EEIG2: variants seen among roughly 807,000 people sequenced by gnomAD.
EEIG2 encodes the protein family with sequence similarity 102 member B.
the EEIG2 span, chr1:108,616,455 A>G: frequency 7.0e-7 from 1 of 1,432,450 alleles, no homozygotes; most frequent in Middle Eastern, 1.8e-4. Flanking sequence ...TAAATGGATT[A>G]TGTATCTAAA....
At chr1:108,592,650 T>C in the EEIG2 span, among the ~76,000 whole-genome samples, 4 of 152,174 alleles carry the variant, frequency 2.6e-5, no homozygotes, top group Non-Finnish European at 4.4e-5. Flanking sequence ...ATGAAAAATA[T>C]GTACAATAGG....
chr1:108,583,128 T>C, the EEIG2 span, among the ~76,000 whole-genome samples: 1 of 152,104 alleles, frequency 6.6e-6, no homozygotes, highest in Non-Finnish European at 1.5e-5. Flanking sequence ...TGAAACCAAA[T>C]TACATACATA....
chr1:108,572,501 A>G, the EEIG2 span, among the ~76,000 whole-genome samples: 9 of 152,010 alleles, frequency 5.9e-5, no homozygotes, highest in Admixed American at 5.9e-4. Flanking sequence ...GTATCTAATA[A>G]CATGTGTTCA....
At chr1:108,591,107 TATAAA>T in the EEIG2 span, among the ~76,000 whole-genome samples, 1 of 152,212 alleles carries the variant, frequency 6.6e-6, no homozygotes, top group Non-Finnish European at 1.5e-5. Context: ...TAAGCAACTG[TATAAA>T]AGTCATAGGA....
chr1:108,573,359 C>T, the EEIG2 span, among the ~76,000 whole-genome samples: 9 of 152,184 alleles, frequency 5.9e-5, no homozygotes, highest in Non-Finnish European at 1.2e-4. Flanking sequence ...CTCTTTATTA[C>T]GTAACAGAGA....
the EEIG2 span, among the ~76,000 whole-genome samples, chr1:108,585,680 G>A: frequency 5.9e-5 from 9 of 152,202 alleles, no homozygotes; most frequent in African/African-American, 2.2e-4. Context: ...ATAGTAGGCT[G>A]TGCTGCTGTG....
chr1:108,619,009 T>C, the EEIG2 span, among the ~76,000 whole-genome samples: 1 of 152,180 alleles, frequency 6.6e-6, no homozygotes. Flanking sequence ...TGTTTTTCTA[T>C]TGGAGTAAGA....
At chr1:108,624,046 T>C in the EEIG2 span, among the ~76,000 whole-genome samples, 1 of 152,050 alleles carries the variant, frequency 6.6e-6, no homozygotes, top group African/African-American at 2.4e-5. Context: ...TTACGTGGAA[T>C]AGGAGTTTGA....
chr1:108,635,203 T>C, the EEIG2 span: 1 of 1,599,562 alleles, frequency 6.3e-7, no homozygotes. Context: ...GAGTAGTTGA[T>C]GTATCAAGGC....
chr1:108,583,945 A>G, the EEIG2 span, among the ~76,000 whole-genome samples: 1 of 151,868 alleles, frequency 6.6e-6, no homozygotes, highest in Non-Finnish European at 1.5e-5. Flanking sequence ...CAGGGTGTTC[A>G]GCTCTGCCAT....
At chr1:108,572,011 C>T in the EEIG2 span, among the ~76,000 whole-genome samples, 1 of 152,158 alleles carries the variant, frequency 6.6e-6, no homozygotes, top group South Asian at 2.1e-4. Flanking sequence ...CTTAAGCATT[C>T]CTCCTCTGCC....
the EEIG2 span, among the ~76,000 whole-genome samples, chr1:108,608,445 G>C: frequency 2.6e-5 from 4 of 152,314 alleles, no homozygotes; most frequent in African/African-American, 9.6e-5. Context: ...TTTCATGAAT[G>C]AATTAATATC....
At chr1:108,583,360 G>A in the EEIG2 span, among the ~76,000 whole-genome samples, 1 of 151,398 alleles carries the variant, frequency 6.6e-6, no homozygotes, top group African/African-American at 2.4e-5. Flanking sequence ...GTCCAGGCTG[G>A]TCTTGAACTC....
At chr1:108,579,772 T>TGTGA in the EEIG2 span, among the ~76,000 whole-genome samples, 195 of 58,874 alleles carry the variant, frequency 3.3e-3, 2 homozygotes, top group African/African-American at 0.012. Context: ...TGTGTGTGTG[T>TGTGA]GAGAGAGAGA....
At chr1:108,569,191 C>A in the EEIG2 span, among the ~76,000 whole-genome samples, 1 of 152,160 alleles carries the variant, frequency 6.6e-6, no homozygotes, top group Admixed American at 6.5e-5. Context: ...AACATTAAAA[C>A]AAATAAGTTC....
the EEIG2 span, chr1:108,560,642 C>T: frequency 1.3e-6 from 2 of 1,514,496 alleles, no homozygotes; most frequent in African/African-American, 1.4e-5. Context: ...TCTCCTTGGC[C>T]CATTTGCTCG....
chr1:108,582,629 A>C, the EEIG2 span, among the ~76,000 whole-genome samples: 1 of 150,148 alleles, frequency 6.7e-6, no homozygotes, highest in African/African-American at 2.5e-5. Context: ...TACCAATAAT[A>C]ATCATCATGG....
the EEIG2 span, among the ~76,000 whole-genome samples, chr1:108,617,926 G>A: frequency 6.6e-6 from 1 of 152,212 alleles, no homozygotes; most frequent in Non-Finnish European, 1.5e-5. Flanking sequence ...GACTTTGGCA[G>A]GCACTTTGGT....
chr1:108,574,708 C>G, the EEIG2 span, among the ~76,000 whole-genome samples: 2 of 152,220 alleles, frequency 1.3e-5, no homozygotes, highest in Admixed American at 1.3e-4. Flanking sequence ...TGAGATCGTG[C>G]CATTGCACTC....
Sources: gnomAD v4.1 joint callset for allele counts (sites outside exome capture counted in the v4.1 genomes callset) on GRCh38, gnomAD v4.1.1 for gene constraint, MANE v1.5 for transcripts, NCBI Gene and HGNC (gene_info 2026-07-23, HGNC 2026-07-21) for gene names.